CCSER1: variants seen among roughly 807,000 people sequenced by gnomAD.
The protein encoded by CCSER1 is serine-rich coiled-coil domain-containing protein 1.
Under a neutral mutation model 82.0 loss-of-function variants are expected in CCSER1, and 41 were observed. The ratio of observed to expected loss-of-function variants is 0.50; its 90% confidence interval spans 0.39 to 0.65. The LOEUF (loss-of-function observed/expected upper bound fraction) is 0.65, where lower values mean the gene tolerates loss of function less well. CCSER1 is among the 30% of genes least tolerant of loss of function. The pLI, the probability that CCSER1 is intolerant of heterozygous loss-of-function variation, is 0.00. For synonymous variants in CCSER1, 414 were observed against 383.9 expected, an observed-to-expected ratio of 1.08 and a Z score of -0.92; for missense variants, 1,119 against 1,064.2, an observed-to-expected ratio of 1.05 and a Z score of -0.72.
At chr4:91,288,431 AAAC>A (rs561802153) in intron 10 of CCSER1, among the ~76,000 whole-genome samples, 13 of 151,974 alleles carry the variant, frequency 8.6e-5, no homozygotes, top group South Asian at 4.1e-4. Flanking sequence ...AATTTTGCAA[AAAC>A]AACAACAACA....
intron 5 of CCSER1, among the ~76,000 whole-genome samples, chr4:90,568,016 G>T (rs1011094498): frequency 1.2e-4 from 18 of 152,024 alleles, no homozygotes; most frequent in African/African-American, 4.3e-4. Context: ...AGTTTCTTCC[G>T]TTATTTCTAA....
chr4:90,301,127 A>G (rs1439634984), intron 1 of CCSER1, among the ~76,000 whole-genome samples: 3 of 152,134 alleles, frequency 2.0e-5, no homozygotes, highest in African/African-American at 7.2e-5. Context: ...GAACCAGTGA[A>G]CCCAGAGAAT....
chr4:91,107,457 A>G (rs1214868601), intron 10 of CCSER1, among the ~76,000 whole-genome samples: 5 of 152,070 alleles, frequency 3.3e-5, no homozygotes, highest in Admixed American at 1.3e-4. Flanking sequence ...GGGTTTCACC[A>G]TGTGAGTCAG....
At chr4:91,096,833 C>A (rs1167965211) in intron 10 of CCSER1, among the ~76,000 whole-genome samples, 1 of 152,188 alleles carries the variant, frequency 6.6e-6, no homozygotes, top group African/African-American at 2.4e-5. Flanking sequence ...CACACACACA[C>A]CTTTATCGTT....
intron 3 of CCSER1, among the ~76,000 whole-genome samples, chr4:90,379,605 G>T (rs979992655): frequency 6.6e-6 from 1 of 152,102 alleles, no homozygotes; most frequent in Non-Finnish European, 1.5e-5. Context: ...CATTATCCCA[G>T]TAGAGTGAGG....
intron 6 of CCSER1, among the ~76,000 whole-genome samples, chr4:90,698,441 A>G (rs1331658514): frequency 6.6e-6 from 1 of 152,220 alleles, no homozygotes. Flanking sequence ...ATGATGTTTC[A>G]AATCCAATCT....
At chr4:90,362,021 A>G (rs973359381) in intron 3 of CCSER1, among the ~76,000 whole-genome samples, 9 of 152,278 alleles carry the variant, frequency 5.9e-5, no homozygotes, top group African/African-American at 2.2e-4. Flanking sequence ...CTTACTTTCT[A>G]CGTTAAAAGA....
chr4:90,395,911 A>G (rs2153541637), intron 3 of CCSER1, among the ~76,000 whole-genome samples: 1 of 149,624 alleles, frequency 6.7e-6, no homozygotes, highest in Middle Eastern at 3.4e-3. Context: ...CTCTACTAAA[A>G]ATACAAAAAA....
intron 3 of CCSER1, among the ~76,000 whole-genome samples, chr4:90,363,014 A>C (rs1745639035): frequency 6.6e-6 from 1 of 152,114 alleles, no homozygotes; most frequent in South Asian, 2.1e-4. Context: ...TTAAACATTT[A>C]ATGTTGTACT....
chr4:90,238,375 A>G (rs1404234421), intron 1 of CCSER1, among the ~76,000 whole-genome samples: 1 of 152,196 alleles, frequency 6.6e-6, no homozygotes, highest in African/African-American at 2.4e-5. Context: ...AGAAGGTCTT[A>G]ATGAAGTAAA....
rs1244957438 is a variant in CCSER1 at position 91,442,338 on chromosome 4, C to A, written c.2218-156234C>A. Among the ~76,000 whole-genome samples, 3 of 152,254 alleles carry A rather than the reference C, an allele frequency of 2.0e-5. No homozygotes were observed. The East Asian group carries it at 5.8e-4, about 29-fold the overall frequency. On this transcript the variant is annotated intron_variant, in intron 10 of 10. Coordinates refer to ENST00000509176, the MANE Select transcript of CCSER1 (RefSeq NM_001145065.2). ...TGCCGCATATCTACCACCATCTGATCTTTGACAAACCTGACAAAAACAAGC... is the reference window on the plus strand; with the variant it reads ...TGCCGCATATCTACCACCATCTGATATTTGACAAACCTGACAAAAACAAGC...
intron 10 of CCSER1, among the ~76,000 whole-genome samples, chr4:91,585,300 G>A (rs1260595870): frequency 6.6e-6 from 1 of 151,376 alleles, no homozygotes. Context: ...ATTTAGTTGA[G>A]ATAGCCCCAT....
intron 7 of CCSER1, among the ~76,000 whole-genome samples, chr4:90,754,963 C>A (rs77270386): frequency 1.3e-5 from 2 of 152,040 alleles, no homozygotes; most frequent in Non-Finnish European, 2.9e-5. Context: ...GAATTAAAGA[C>A]CCCATTATAA....
intron 6 of CCSER1, among the ~76,000 whole-genome samples, chr4:90,718,722 CTA>C (rs1742130590): frequency 6.6e-6 from 1 of 152,036 alleles, no homozygotes; most frequent in Non-Finnish European, 1.5e-5. Context: ...GAGTAAATAA[CTA>C]TTATGTATTA....
At chr4:91,345,208 A>G (rs72879088) in intron 10 of CCSER1, among the ~76,000 whole-genome samples, 13,208 of 152,154 alleles carry the variant, frequency 0.087, 1,918 homozygotes, top group African/African-American at 0.3. Context: ...CCTGGCCAAT[A>G]TGACGAAACC....
chr4:91,381,097 A>G (rs1750854251), intron 10 of CCSER1, among the ~76,000 whole-genome samples: 1 of 152,096 alleles, frequency 6.6e-6, no homozygotes, highest in African/African-American at 2.4e-5. Context: ...TGGATTATAG[A>G]GCTTCTGCCA....
At position 90,601,313 on chromosome 4, in the gene CCSER1, A is replaced by AAT. The variant is rs767204877; in HGVS notation, c.1725-26705_1725-26704dup. Among the ~76,000 whole-genome samples, 11 of 151,712 alleles carry AAT rather than the reference A, an allele frequency of 7.3e-5. No individual in the cohort carries two copies. In the East Asian group the frequency reaches 1.9e-3, roughly 27 times the overall value. On this transcript the variant is annotated intron_variant, in intron 5 of 10. Transcript: ENST00000509176. ...TATGTATGTGTGTGTGTGTGTGTTT[A>AAT]ATATATATTTAGATATCCTTTATCA... is the stretch of plus-strand genomic sequence containing the variant.
At chr4:90,723,777 C>T (rs149133719) in intron 6 of CCSER1, 137 bp from the exon 7 acceptor site, 36 of 414,760 alleles carry the variant, frequency 8.7e-5, no homozygotes, top group Admixed American at 3.8e-4. Flanking sequence ...ATTAAATCTA[C>T]GTTAAATCTG....
intron 7 of CCSER1, among the ~76,000 whole-genome samples, chr4:90,770,409 G>A (rs1751894277): frequency 1.3e-5 from 2 of 152,114 alleles, no homozygotes; most frequent in Admixed American, 1.3e-4. Flanking sequence ...AGAAAAATTA[G>A]GGCATATAAA....
Sources: allele counts gnomAD v4.1 joint callset (sites outside exome capture counted in the v4.1 genomes callset), GRCh38; gene constraint gnomAD v4.1.1; transcripts MANE v1.5; gene names NCBI Gene and HGNC (gene_info 2026-07-23, HGNC 2026-07-21).